Variants in RFX5 observed in about 807,000 individuals in gnomAD.
RFX5 encodes DNA-binding protein RFX5.
RFX5 carries 30 observed loss-of-function variants against 41.2 expected under a neutral mutation model. The observed-to-expected ratio is 0.73, with a 90% CI of 0.54 to 0.99. The LOEUF (loss-of-function observed/expected upper bound fraction) is 0.99. RFX5 is among the 50% of genes least tolerant of loss of function. The pLI is 0.00. For missense variants in RFX5, 715 were observed against 773.6 expected (o/e 0.92, Z 0.90); for synonymous variants, 231 against 291.8 (o/e 0.79, Z 2.12).
At chr1:151,344,946 C>T in intron 5 of RFX5, 99 bp from the exon 6 acceptor site, 1 of 1,603,658 alleles carries the variant, frequency 6.2e-7, no homozygotes, top group East Asian at 2.2e-5. Flanking sequence ...ATTTAGTTCA[C>T]CCAGAATCTA....
At position 151,344,457 on chromosome 1, in the gene RFX5, C is replaced by G. The variant is rs999104857; in HGVS notation, c.433G>C (p.Asp145His). 69 of 1,614,086 alleles carry G rather than the reference C, an allele frequency of 4.3e-5. No homozygotes were observed. The Middle Eastern group carries it at 4.9e-4, about 12-fold the overall frequency. Residue 145 changes from aspartate (D) to histidine (H), a missense_variant, in exon 7 of 11, where the codon GAC becomes CAC. Coordinates refer to ENST00000452671, the MANE Select transcript of RFX5 (RefSeq NM_001025603.2). ...CCACCAAGCCTTCGAGCTTTGATGT[C>G]AGGGAAGATCTCTCTGATGATCTTG... Reference protein sequence around the residue: ...FGKIIREIFPDIKARRLGGRG... With the variant: ...FGKIIREIFPHIKARRLGGRG...
chr1:151,343,178 G>C lies in RFX5; in HGVS notation c.859C>G (p.Pro287Ala). Residue 287 changes from proline to alanine, a missense_variant and splice_region_variant, in exon 11 of 11, where the codon CCT (proline) becomes GCT (alanine). Pro to Ala is a conservative substitution (Grantham distance 27). Transcript: ENST00000452671. ...GTTCGGGCTTCCAGATCCTTAGGAG[G>C]CTAAAAAGTAAAGAGAGGAACACAG... ...AHKKPERLAQ[P>A]PKDLEARTGA... 6.2e-7 allele frequency: 1 copy of C among 1,611,142 alleles called. No individual in the cohort carries two copies. Among genetic ancestry groups the C allele is most frequent in the Non-Finnish European group, 8.5e-7 (1 of 1,180,020 alleles).
rs373984217 is a variant in RFX5 at position 151,344,281 on chromosome 1, G to T, written c.474-3C>A. On this transcript the variant is annotated splice_region_variant and splice_polypyrimidine_tract_variant and intron_variant, in intron 7 of 10. Coordinates refer to ENST00000452671, the MANE Select transcript of RFX5 (RefSeq NM_001025603.2). ...TCCTTATGCCACTGTAGCAATATCTGATGCAAGTTAAAGAGCAGCCAACAC... is the reference window on the plus strand; with the variant it reads ...TCCTTATGCCACTGTAGCAATATCTTATGCAAGTTAAAGAGCAGCCAACAC... 84 of 1,614,016 alleles carry T rather than the reference G, an allele frequency of 5.2e-5. No homozygotes were observed. The highest frequency in any genetic ancestry group is 6.7e-5 in the African/African-American group (5 of 74,916).
rs1247992874 is a variant in RFX5 at position 151,342,069 on chromosome 1, AGAG to A, written c.*114_*116del. The A allele has an allele frequency of 2.1e-6, 3 of 1,443,530 alleles. No individual in the cohort carries two copies. Among genetic ancestry groups the A allele is most frequent in the Non-Finnish European group, 2.9e-6 (3 of 1,029,916 alleles). 89.4% of individuals were successfully genotyped at this position (1,443,530 alleles called of 1,614,324 possible). A position where few individuals can be genotyped will look rare whatever the true frequency, so the allele number is the denominator to read the frequency against. ...GACTGGGTGACTCAGCTGTCTGTAC[AGAG>A]GAGAATGGACTTCCTTAGGAAAAGA... On this transcript the variant is annotated 3_prime_UTR_variant, in exon 11 of 11. Coordinates refer to ENST00000452671, the MANE Select transcript of RFX5 (RefSeq NM_001025603.2).
chr1:151,345,447 A>C, intron 4 of RFX5: 1 of 388,758 alleles, frequency 2.6e-6, no homozygotes, highest in East Asian at 6.1e-5. Context: ...GTTTCTACTA[A>C]AAATACAAAA....
At chr1:151,345,477 T>C in intron 4 of RFX5, 2 of 377,058 alleles carry the variant, frequency 5.3e-6, no homozygotes, top group Non-Finnish European at 1.0e-5. Context: ...CTGGGTGTGG[T>C]GACGGGCGCC....
chr1:151,344,073 G>T, intron 8 of RFX5, 124 bp downstream of exon 8: 1 of 1,157,808 alleles, frequency 8.6e-7, no homozygotes, highest in Non-Finnish European at 1.3e-6. Context: ...TGGCAGAAGG[G>T]AACATCATAC....
chr1:151,345,828 T>C, intron 4 of RFX5, 100 bp downstream of exon 4: 1 of 1,525,598 alleles, frequency 6.6e-7, no homozygotes. Flanking sequence ...CAGAGGACCC[T>C]ACCTCTCCCA....
At position 151,343,169 on chromosome 1, in the gene RFX5, C is replaced by G; in HGVS notation, c.868G>C (p.Asp290His). Residue 290 changes from aspartate (D) to histidine (H), a missense_variant, in exon 11 of 11, where the codon GAT (aspartate) becomes CAT (histidine). Physicochemically the swap from Asp to His is moderately conservative, Grantham distance 81 (BLOSUM62 -1). Transcript: ENST00000452671. Reference protein sequence around the residue: ...KPERLAQPPKDLEARTGAGPL... With the variant: ...KPERLAQPPKHLEARTGAGPL... ...CCGGCCCCAGTTCGGGCTTCCAGAT[C>G]CTTAGGAGGCTAAAAAGTAAAGAGA... 1 of 1,611,218 alleles carries G rather than the reference C, an allele frequency of 6.2e-7. No homozygotes were observed. The highest frequency in any genetic ancestry group is 8.5e-7 in the Non-Finnish European group (1 of 1,180,026).
intron 4 of RFX5, chr1:151,345,409 A>T: frequency 2.2e-6 from 1 of 456,212 alleles, no homozygotes; most frequent in South Asian, 2.0e-5. Flanking sequence ...GGAGATCGAG[A>T]CCATCCTGGC....
At chr1:151,344,703 T>TCCCACCCCCCCC in intron 6 of RFX5, 25 bp downstream of exon 6, 2 of 1,515,662 alleles carry the variant, frequency 1.3e-6, no homozygotes, top group Non-Finnish European at 8.9e-7. Context: ...AATCCACTCA[T>TCCCACCCCCCCC]CCCACCACCC....
rs757020076 is a variant in RFX5, at chr1:151,344,155, C to T, written c.555+42G>A. ...TGCCCCAAAGACCTCTGACTTTTACCTGGGAGAGAAGAGTGGAATTGGAAG... is the reference window on the plus strand; with the variant it reads ...TGCCCCAAAGACCTCTGACTTTTACTTGGGAGAGAAGAGTGGAATTGGAAG... On this transcript the variant is annotated intron_variant, in intron 8 of 10. Coordinates refer to ENST00000452671, the MANE Select transcript of RFX5 (RefSeq NM_001025603.2). 3 of 1,597,090 alleles carry T rather than the reference C, an allele frequency of 1.9e-6. No individual in the cohort carries two copies. In the Admixed American group the frequency reaches 5.0e-5, roughly 27 times the overall value.
chr1:151,341,947 C>A lies in RFX5; in HGVS notation c.*239G>T. ...ATTCCTACCTTCCCACAGGATAGCA[C>A]AGGGAATACAGGTAAGGTCACTACA... On this transcript the variant is annotated 3_prime_UTR_variant, in exon 11 of 11. Coordinates refer to ENST00000452671, the MANE Select transcript of RFX5 (RefSeq NM_001025603.2). 1.0e-5 allele frequency: 7 copies of A among 701,542 alleles called. No individual in the cohort carries two copies. In the South Asian group the frequency reaches 1.1e-4, roughly 11 times the overall value. The allele number at this position is 701,542 out of a possible 1,614,324, so 43.5% of individuals were successfully genotyped here.
intron 5 of RFX5, 89 bp downstream of exon 5, chr1:151,345,002 TCAAGGACAGCATTTA>T: frequency 6.5e-7 from 1 of 1,527,602 alleles, no homozygotes; most frequent in East Asian, 2.3e-5. Context: ...TTCCTCTTCA[TCAAGGACAGCATTTA>T]CGAGTATTCC....
In RFX5 at chr1:151,343,417, T is replaced by C; in HGVS notation, c.783A>G (p.Glu261=). The change falls in exon 10 of 11, where the codon GAA becomes GAG. Residue 261 remains glutamate (E), a synonymous_variant. Transcript: ENST00000452671. ...LAEEDEHAPR[E]RSSKPKNGLE... is the part of the protein sequence containing the mutation. ...AACCATTCTTTGGTTTAGATGACCG[T>C]TCCCGAGGTGCATGTTCGTCCTCTT... 1 of 1,614,028 alleles carries C rather than the reference T, an allele frequency of 6.2e-7. No individual in the cohort carries two copies. The highest frequency in any genetic ancestry group is 8.5e-7 in the Non-Finnish European group (1 of 1,180,030).
rs367615574 is a variant in RFX5 at position 151,343,153 on chromosome 1, G to T, written c.884C>A (p.Thr295Asn). The T allele has an allele frequency of 6.2e-7, 1 of 1,611,496 alleles. No homozygotes were observed. Among genetic ancestry groups the T allele is most frequent in the Non-Finnish European group, 8.5e-7 (1 of 1,180,030 alleles). The change falls in exon 11 of 11, where the codon ACT becomes AAT. Residue 295 changes from threonine to asparagine, a missense_variant. By Grantham distance (65) the Thr-to-Asn change is moderately conservative. Transcript: ENST00000452671. ...AQPPKDLEAR[T>N]GAGPLARGER... is the part of the protein sequence containing the mutation. ...TCCACGTGCGAGAGGACCGGCCCCA[G>T]TTCGGGCTTCCAGATCCTTAGGAGG...
rs769391254 is a variant in RFX5, at chr1:151,342,654, A to C, written c.1383T>G (p.Asp461Glu). 1 of 1,614,174 alleles carries C rather than the reference A, an allele frequency of 6.2e-7. No homozygotes were observed. Among genetic ancestry groups the C allele is most frequent in the Non-Finnish European group, 8.5e-7 (1 of 1,180,034 alleles). Residue 461 changes from aspartate to glutamate, a missense_variant, in exon 11 of 11, where the codon GAT (aspartate) becomes GAG (glutamate). Coordinates refer to ENST00000452671, the MANE Select transcript of RFX5 (RefSeq NM_001025603.2). ...AKQDIEDTAS[D>E]AKRKRGRPRK... ...GAGGGCGCCCCCGTTTCCTTTTGGC[A>C]TCACTTGCTGTATCCTCTATATCCT... is the stretch of plus-strand genomic sequence containing the variant.
Position 151,346,516 on chromosome 1 carries a change from T to C in RFX5, c.-41A>G. On this transcript the variant is annotated 5_prime_UTR_variant, in exon 2 of 11. It removes an upstream start codon present in the reference 5' UTR. Coordinates refer to ENST00000452671, the MANE Select transcript of RFX5 (RefSeq NM_001025603.2). Reference sequence around the variant, plus strand: ...TCTCCGAAAATTAGAAATTATTCCATTACTTCGCCAGGCCCATATATGCCC... The same window carrying C: ...TCTCCGAAAATTAGAAATTATTCCACTACTTCGCCAGGCCCATATATGCCC... The C allele has an allele frequency of 1.7e-6, 1 of 578,492 alleles. No individual in the cohort carries two copies. The allele number at this position is 578,492 out of a possible 1,614,324, so 35.8% of individuals were successfully genotyped here.
chr1:151,343,501 G>T, intron 9 of RFX5, 59 bp from the exon 10 acceptor site: 1 of 1,535,942 alleles, frequency 6.5e-7, no homozygotes. Context: ...AGGAATAGGG[G>T]AGTGAGGCAA....
Sources: gnomAD v4.1 joint callset for allele counts on GRCh38, gnomAD v4.1.1 for gene constraint, MANE v1.5 for transcripts, NCBI Gene and HGNC (gene_info 2026-07-23, HGNC 2026-07-21) for gene names.